PCDHA8: variants seen among roughly 807,000 people sequenced by gnomAD.
PCDHA8 encodes protocadherin alpha-8.
PCDHA8 carries 53 observed loss-of-function variants against 61.8 expected under a neutral mutation model. That is an observed-to-expected ratio of 0.86 (90% CI 0.69 to 1.08). The LOEUF (loss-of-function observed/expected upper bound fraction) is 1.08. Ranked by LOEUF, PCDHA8 falls within the 50% of genes least tolerant of loss-of-function variation. The pLI is 0.00. For missense variants in PCDHA8, 1,293 were observed against 1,245.0 expected, an observed-to-expected ratio of 1.04 and a Z score of -0.58; for synonymous variants, 618 against 556.6, an observed-to-expected ratio of 1.11 and a Z score of -1.55.
intron 1 of PCDHA8, chr5:140,857,381 G>A (rs1232678115): frequency 6.3e-7 from 1 of 1,598,364 alleles, no homozygotes; most frequent in Non-Finnish European, 8.6e-7. Flanking sequence ...TGTGGAGGTG[G>A]CCGACGTGAA....
chr5:140,962,757 T>C (rs1554226219), intron 1 of PCDHA8, among the ~76,000 whole-genome samples: 1 of 152,240 alleles, frequency 6.6e-6, no homozygotes, highest in Non-Finnish European at 1.5e-5. Context: ...GGAATCCTAT[T>C]CGTTTTTAAC....
At chr5:140,861,738 T>C (rs1554155173) in intron 1 of PCDHA8, 1 of 160,806 alleles carries the variant, frequency 6.2e-6, no homozygotes, top group African/African-American at 2.5e-5. Context: ...ACTTACATAC[T>C]GTGCCGCAAT....
intron 3 of PCDHA8, among the ~76,000 whole-genome samples, chr5:140,990,715 A>G (rs927680875): frequency 1.3e-5 from 2 of 152,194 alleles, no homozygotes; most frequent in Non-Finnish European, 2.9e-5. Context: ...GGATAAGAGC[A>G]TCACTAGGTA....
chr5:140,884,733 T>A (rs782206169), intron 1 of PCDHA8: 2 of 1,448,004 alleles, frequency 1.4e-6, no homozygotes, highest in African/African-American at 1.4e-5. Flanking sequence ...GTTTAAGACA[T>A]CTTTCCTGCC....
chr5:140,932,199 A>C (rs1314795858), intron 1 of PCDHA8, among the ~76,000 whole-genome samples: 2 of 151,894 alleles, frequency 1.3e-5, no homozygotes, highest in African/African-American at 4.8e-5. Context: ...TTTTTCTGTT[A>C]ATATTCTTGA....
intron 1 of PCDHA8, chr5:140,883,595 G>C: frequency 6.2e-7 from 1 of 1,614,036 alleles, no homozygotes; most frequent in Non-Finnish European, 8.5e-7. Flanking sequence ...CAGCGTGTCG[G>C]TGGGGGTGGC....
chr5:140,922,652 T>C (rs371970165), intron 1 of PCDHA8, among the ~76,000 whole-genome samples: 4 of 152,156 alleles, frequency 2.6e-5, no homozygotes, highest in African/African-American at 9.7e-5. Context: ...ACAGTAAATA[T>C]GGCTATACTG....
chr5:140,966,382 G>A, intron 1 of PCDHA8: 1 of 403,884 alleles, frequency 2.5e-6, no homozygotes, highest in Non-Finnish European at 4.3e-6. Context: ...GTCCGGGTTC[G>A]CTGTCCGCCA....
At chr5:140,862,842 G>T (rs1554157108) in intron 1 of PCDHA8, 2 of 572,864 alleles carry the variant, frequency 3.5e-6, no homozygotes, top group Middle Eastern at 3.7e-4. Context: ...CGGGCATGCC[G>T]CCTCTGAGCA....
chr5:140,970,814 C>T (rs1175939096), intron 1 of PCDHA8, among the ~76,000 whole-genome samples: 1 of 152,068 alleles, frequency 6.6e-6, no homozygotes, highest in Non-Finnish European at 1.5e-5. Flanking sequence ...ATTTCAAGTT[C>T]ATGGTAATCT....
rs146702581 is a variant in PCDHA8 at position 140,929,720 on chromosome 5, C to T, written c.2395-49229C>T. ...TATGAATATAATATGGAAGGTGAAA[C>T]ATTTACTTAAACTATTGCAATGCAT... On this transcript the variant is annotated intron_variant, in intron 1 of 3. Coordinates refer to ENST00000531613, the MANE Select transcript of PCDHA8 (RefSeq NM_018911.3). The T allele has an allele frequency of 2.8e-3, 635 of 224,158 alleles. 4 individuals are homozygous for T. The highest frequency in any genetic ancestry group is 6.2e-3 in the African/African-American group (270 of 43,802). 13.9% of individuals were successfully genotyped at this position (224,158 alleles called of 1,614,324 possible).
chr5:140,986,291 A>C (rs1554247870), intron 3 of PCDHA8, among the ~76,000 whole-genome samples: 1 of 152,142 alleles, frequency 6.6e-6, no homozygotes, highest in East Asian at 1.9e-4. Context: ...CTTGAGACTG[A>C]GCAGAGAGAG....
At chr5:140,966,208 T>G (rs993246205) in intron 1 of PCDHA8, 2 of 231,366 alleles carry the variant, frequency 8.6e-6, no homozygotes, top group Admixed American at 1.1e-4. Flanking sequence ...TTGACTGCTT[T>G]TCCCAGACTA....
intron 1 of PCDHA8, among the ~76,000 whole-genome samples, chr5:140,934,231 C>T (rs2089713851): frequency 6.6e-6 from 1 of 152,014 alleles, no homozygotes; most frequent in African/African-American, 2.4e-5. Context: ...AAGATTTGTA[C>T]TTAATTGTGG....
Position 140,843,595 on chromosome 5 carries a change from G to A in PCDHA8, c.2274G>A (p.Val758=). 6.3e-7 allele frequency: 1 copy of A among 1,596,100 alleles called. No homozygotes were observed. Among genetic ancestry groups the A allele is most frequent in the Admixed American group, 1.7e-5 (1 of 59,332 alleles). ...ACTCGCAACAACAGCCGCAGAGGGT[G>A]TGCTCTGGTGAGGGGCCACCGAAGA... is the stretch of plus-strand genomic sequence containing the variant. The part of the protein sequence containing the change: ...WSYSQQQPQR[V]CSGEGPPKTD... Residue 758 remains valine, a synonymous_variant, in exon 1 of 4, where the codon GTG becomes GTA. Coordinates refer to ENST00000531613, the MANE Select transcript of PCDHA8 (RefSeq NM_018911.3).
At chr5:140,856,183 C>T (rs1337355592) in intron 1 of PCDHA8, 8 of 1,598,070 alleles carry the variant, frequency 5.0e-6, no homozygotes, top group African/African-American at 2.7e-5. Flanking sequence ...CCTTCGTGGG[C>T]CGCATCGCGC....
intron 1 of PCDHA8, chr5:140,848,959 A>C (rs1554142632): frequency 1.9e-6 from 3 of 1,606,524 alleles, no homozygotes; most frequent in Admixed American, 3.4e-5. Context: ...TTTCCACTAG[A>C]GGGCGCGTCC....
chr5:140,892,573 A>G (rs1299586046), intron 1 of PCDHA8, among the ~76,000 whole-genome samples: 1 of 152,210 alleles, frequency 6.6e-6, no homozygotes, highest in Non-Finnish European at 1.5e-5. Context: ...TGTCAAAAGT[A>G]TATCTCAGTA....
rs1311377754 is a variant in PCDHA8 at position 140,847,747 on chromosome 5, G to C, written c.2394+4032G>C. 1.3e-5 allele frequency: 2 copies of C among 149,564 alleles called. 1 individual carries two copies. The highest frequency in any genetic ancestry group is 3.0e-5 in the Non-Finnish European group (2 of 66,834). 9.3% of individuals were successfully genotyped at this position (149,564 alleles called of 1,614,324 possible). ...AGAGAAAAATATATTTTCTCCCCAC[G>C]CAACACAAGACCTTAAAGTCAATTC... On this transcript the variant is annotated intron_variant, in intron 1 of 3. Coordinates refer to ENST00000531613, the MANE Select transcript of PCDHA8 (RefSeq NM_018911.3).
Sources: gnomAD v4.1 joint callset for allele counts (sites outside exome capture counted in the v4.1 genomes callset) on GRCh38, gnomAD v4.1.1 for gene constraint, MANE v1.5 for transcripts, NCBI Gene and HGNC (gene_info 2026-07-23, HGNC 2026-07-21) for gene names.